Variants in NPLOC4 observed in about 807,000 individuals in gnomAD.
NPLOC4 encodes NPL4 homolog, ubiquitin recognition factor.
NPLOC4 carries 18 observed loss-of-function variants against 80.6 expected under a neutral mutation model. The ratio of observed to expected loss-of-function variants is 0.22; its 90% CI spans 0.15 to 0.33. NPLOC4 has a LOEUF of 0.33. NPLOC4 is among the 10% of genes least tolerant of loss of function. The pLI, the probability that NPLOC4 is intolerant of heterozygous loss-of-function variation, is 1.00. For synonymous variants in NPLOC4, 313 were observed against 301.5 expected, an observed-to-expected ratio of 1.04 and a Z score of -0.39; for missense variants, 540 against 786.1, an observed-to-expected ratio of 0.69 and a Z score of 3.74.
intron 4 of NPLOC4, chr17:81,612,926 A>T (rs1337607142): frequency 1.2e-5 from 2 of 165,992 alleles, no homozygotes; most frequent in African/African-American, 2.4e-5. Context: ...ACACACAACC[A>T]CCTGCCCCTT....
intron 16 of NPLOC4, among the ~76,000 whole-genome samples, chr17:81,561,248 T>C (rs1598611548): frequency 6.6e-6 from 1 of 152,276 alleles, no homozygotes; most frequent in South Asian, 2.1e-4. Flanking sequence ...TGAGCTACCA[T>C]GCCCGACCTG....
At chr17:81,629,606 G>A in intron 2 of NPLOC4, 119 bp downstream of exon 2, 1 of 759,400 alleles carries the variant, frequency 1.3e-6, no homozygotes, top group Non-Finnish European at 2.3e-6. Flanking sequence ...GAAAGGCAAT[G>A]CAAGAGGCAA....
chr17:81,570,442 T>G (rs1343114590), intron 13 of NPLOC4, among the ~76,000 whole-genome samples: 1 of 152,144 alleles, frequency 6.6e-6, no homozygotes, highest in Admixed American at 6.5e-5. Context: ...TGGGAAGGCC[T>G]AGAAATGAAG....
chr17:81,622,582 G>A (rs1246128317), intron 2 of NPLOC4, among the ~76,000 whole-genome samples: 4 of 152,142 alleles, frequency 2.6e-5, no homozygotes, highest in Admixed American at 6.5e-5. Context: ...AGACAGTCTC[G>A]TTCTGTAGCC....
chr17:81,633,260 G>A (rs923882336), intron 1 of NPLOC4, among the ~76,000 whole-genome samples: 1 of 151,688 alleles, frequency 6.6e-6, no homozygotes. Flanking sequence ...CCACTTATTT[G>A]TTTCTAAAAT....
chr17:81,629,997 G>A, intron 1 of NPLOC4, 192 bp from the exon 2 acceptor site: 1 of 526,972 alleles, frequency 1.9e-6, no homozygotes, highest in South Asian at 2.6e-5. Context: ...CAACATATGG[G>A]GAGATATTTT....
intron 1 of NPLOC4, among the ~76,000 whole-genome samples, chr17:81,631,598 A>G (rs1463278664): frequency 1.3e-5 from 2 of 151,996 alleles, no homozygotes; most frequent in African/African-American, 4.8e-5. Flanking sequence ...CCAACAGCAC[A>G]GGCCCCTGCT....
chr17:81,608,312 C>T lies in NPLOC4; in HGVS notation c.530+416G>A, dbSNP rs564732406. Among the ~76,000 whole-genome samples, 21 of 152,340 alleles carry T rather than the reference C, an allele frequency of 1.4e-4. 1 individual carries two copies. Among genetic ancestry groups the T allele is most frequent in the African/African-American group, 5.1e-4 (21 of 41,580 alleles). Reference sequence around the variant, plus strand: ...AATCAACAGGCCACCATCACAGATGCTAACTTGCTGGGGTGGTGTGTGTGG... The same window carrying T: ...AATCAACAGGCCACCATCACAGATGTTAACTTGCTGGGGTGGTGTGTGTGG... On this transcript the variant is annotated intron_variant, in intron 6 of 16. Transcript: ENST00000331134.
At chr17:81,592,331 C>T (rs917524082) in intron 11 of NPLOC4, among the ~76,000 whole-genome samples, 3 of 152,160 alleles carry the variant, frequency 2.0e-5, no homozygotes, top group African/African-American at 7.2e-5. Context: ...GTTAGAAAAC[C>T]TTCATCCGAG....
chr17:81,561,270 G>T (rs1376624687), intron 16 of NPLOC4, among the ~76,000 whole-genome samples: 1 of 151,928 alleles, frequency 6.6e-6, no homozygotes, highest in African/African-American at 2.4e-5. Context: ...ATTTCCTTTT[G>T]TGAAACGTTT....
intron 7 of NPLOC4, among the ~76,000 whole-genome samples, chr17:81,605,287 A>T (rs1010960488): frequency 1.8e-4 from 22 of 121,586 alleles, no homozygotes; most frequent in South Asian, 4.8e-4. Flanking sequence ...TCTCAAAAAA[A>T]AAAAATAAAT....
chr17:81,559,643 T>C (rs1443320767), intron 16 of NPLOC4, among the ~76,000 whole-genome samples: 1 of 152,032 alleles, frequency 6.6e-6, no homozygotes, highest in Non-Finnish European at 1.5e-5. Flanking sequence ...AGCCTGTGCT[T>C]GCTGGTTCCT....
intron 11 of NPLOC4, 104 bp from the exon 12 acceptor site, chr17:81,589,208 A>T: frequency 9.5e-7 from 1 of 1,056,564 alleles, no homozygotes; most frequent in Non-Finnish European, 1.3e-6. Context: ...CAAACCCTCA[A>T]GAGTTTGTCG....
At chr17:81,587,679 T>TG (rs1223037155) in intron 12 of NPLOC4, among the ~76,000 whole-genome samples, 1 of 144,064 alleles carries the variant, frequency 6.9e-6, no homozygotes, top group Non-Finnish European at 1.5e-5. Context: ...AAGTTGTTTT[T>TG]TTTTTTTTTT....
At chr17:81,629,192 CTTT>C (rs141999520) in intron 2 of NPLOC4, among the ~76,000 whole-genome samples, 5 of 115,746 alleles carry the variant, frequency 4.3e-5, no homozygotes, top group Non-Finnish European at 8.5e-5. Flanking sequence ...TTATGAAATA[CTTT>C]TTTTTTTTTT....
chr17:81,626,193 G>T (rs11869692), intron 2 of NPLOC4, among the ~76,000 whole-genome samples: 3,549 of 150,974 alleles, frequency 0.024, 159 homozygotes, highest in African/African-American at 0.082. Flanking sequence ...GCACGTGCCT[G>T]TAATCTCAGT....
Position 81,569,355 on chromosome 17 carries a change from G to A in NPLOC4, c.1354-244C>T, listed in dbSNP as rs35010915. Among the ~76,000 whole-genome samples the A allele has an allele frequency of 9.1e-3, 1,380 of 152,306 alleles. 31 individuals carry two copies. The highest frequency in any genetic ancestry group is 0.032 in the African/African-American group (1,324 of 41,550). ...CCGGGCAGCCTCCGGCCTGTGCACCGGCCTCGACGTCGGACAAAAAGGGCA... is the reference window on the plus strand; with the variant it reads ...CCGGGCAGCCTCCGGCCTGTGCACCAGCCTCGACGTCGGACAAAAAGGGCA... On this transcript the variant is annotated intron_variant, in intron 13 of 16. Coordinates refer to ENST00000331134, the MANE Select transcript of NPLOC4 (RefSeq NM_017921.4).
chr17:81,595,543 TTC>T (rs1491176124), intron 11 of NPLOC4, among the ~76,000 whole-genome samples: 1 of 148,360 alleles, frequency 6.7e-6, no homozygotes, highest in Non-Finnish European at 1.5e-5. Context: ...TATTTTTTTT[TTC>T]TTTTCTTTTC....
chr17:81,603,516 A>G (rs896874039), intron 8 of NPLOC4, among the ~76,000 whole-genome samples: 1 of 152,190 alleles, frequency 6.6e-6, no homozygotes, highest in Admixed American at 6.5e-5. Context: ...GGATCGCTTG[A>G]GCCCAGGAGG....
Sources: allele counts gnomAD v4.1 joint callset (sites outside exome capture counted in the v4.1 genomes callset), GRCh38; gene constraint gnomAD v4.1.1; transcripts MANE v1.5; gene names NCBI Gene and HGNC (gene_info 2026-07-23, HGNC 2026-07-21).